ABTB3: variants seen among roughly 807,000 people sequenced by gnomAD.
ABTB3 encodes the protein ankyrin repeat- and BTB/POZ domain-containing protein 3.
chr12:107,400,433 T>C, the ABTB3 span, among the ~76,000 whole-genome samples: 1 of 152,074 alleles, frequency 6.6e-6, no homozygotes, highest in East Asian at 1.9e-4. Flanking sequence ...TATATACAGG[T>C]GGGTTTGAGA....
At chr12:107,373,089 T>G in the ABTB3 span, among the ~76,000 whole-genome samples, 1 of 152,096 alleles carries the variant, frequency 6.6e-6, no homozygotes, top group Non-Finnish European at 1.5e-5. Flanking sequence ...TTGCTAAATG[T>G]CCCCTGAGGG....
At chr12:107,377,772 C>G in the ABTB3 span, among the ~76,000 whole-genome samples, 1 of 152,190 alleles carries the variant, frequency 6.6e-6, no homozygotes, top group African/African-American at 2.4e-5. Context: ...ACAGCTCACA[C>G]AGCCAAGAGG....
the ABTB3 span, chr12:107,617,091 C>A: frequency 2.5e-6 from 4 of 1,614,008 alleles, no homozygotes; most frequent in Non-Finnish European, 3.4e-6. Flanking sequence ...CTCTGCAGCT[C>A]CTCCTGGATG....
the ABTB3 span, among the ~76,000 whole-genome samples, chr12:107,532,610 A>G: frequency 1.3e-5 from 2 of 152,392 alleles, no homozygotes; most frequent in East Asian, 3.9e-4. Flanking sequence ...TAATAAAATA[A>G]TAGCTGAAAA....
chr12:107,388,455 TCTC>T, the ABTB3 span, among the ~76,000 whole-genome samples: 2 of 151,650 alleles, frequency 1.3e-5, no homozygotes, highest in African/African-American at 2.4e-5. Context: ...TCTACCATTT[TCTC>T]CTCCTCTTCC....
chr12:107,368,425 TTGG>T, the ABTB3 span, among the ~76,000 whole-genome samples: 1 of 152,240 alleles, frequency 6.6e-6, no homozygotes, highest in African/African-American at 2.4e-5. Flanking sequence ...CTGGAAATAT[TTGG>T]TGAACTGTGT....
chr12:107,599,174 G>A, the ABTB3 span, among the ~76,000 whole-genome samples: 2 of 152,144 alleles, frequency 1.3e-5, no homozygotes, highest in East Asian at 1.9e-4. Flanking sequence ...CTAGGTCCAC[G>A]TCATCTAGAT....
At chr12:107,421,410 T>A in the ABTB3 span, among the ~76,000 whole-genome samples, 1 of 152,094 alleles carries the variant, frequency 6.6e-6, no homozygotes, top group Non-Finnish European at 1.5e-5. Flanking sequence ...GACCAGATAA[T>A]ATATTGGTGC....
At chr12:107,519,508 GT>G in the ABTB3 span, among the ~76,000 whole-genome samples, 1 of 151,920 alleles carries the variant, frequency 6.6e-6, no homozygotes, top group Non-Finnish European at 1.5e-5. Flanking sequence ...AGTAGAGACG[GT>G]GTTTCGCCAT....
At chr12:107,466,315 G>GCC in the ABTB3 span, among the ~76,000 whole-genome samples, 1 of 152,058 alleles carries the variant, frequency 6.6e-6, no homozygotes, top group African/African-American at 2.4e-5. Flanking sequence ...GTGAGGGGAA[G>GCC]AGCAAGGGCC....
chr12:107,369,392 G>GTTTTTTTTTTTT, the ABTB3 span, among the ~76,000 whole-genome samples: 4 of 134,904 alleles, frequency 3.0e-5, 1 homozygote, highest in Non-Finnish European at 4.7e-5. Context: ...TCAAACAAGG[G>GTTTTTTTTTTTT]TTTTTTTTTT....
At chr12:107,564,821 A>G in the ABTB3 span, among the ~76,000 whole-genome samples, 4 of 152,226 alleles carry the variant, frequency 2.6e-5, no homozygotes, top group Admixed American at 6.5e-5. Flanking sequence ...CTTTGCTTGC[A>G]GTCTGGGCTA....
At chr12:107,319,231 C>T in the ABTB3 span, 3 of 1,571,634 alleles carry the variant, frequency 1.9e-6, no homozygotes, top group African/African-American at 1.3e-5. Context: ...TAGACGAGGT[C>T]CCCTGGACTC....
the ABTB3 span, among the ~76,000 whole-genome samples, chr12:107,572,987 C>A: frequency 6.6e-6 from 1 of 152,192 alleles, no homozygotes; most frequent in Non-Finnish European, 1.5e-5. Flanking sequence ...GTAGAAATCA[C>A]CTCCTCACCT....
chr12:107,629,921 C>G, the ABTB3 span, among the ~76,000 whole-genome samples: 1 of 152,064 alleles, frequency 6.6e-6, no homozygotes. Context: ...GGATCTCACC[C>G]CCTGACAGCA....
the ABTB3 span, among the ~76,000 whole-genome samples, chr12:107,330,555 C>T: frequency 1.5e-4 from 23 of 152,322 alleles, no homozygotes; most frequent in East Asian, 5.8e-4. Context: ...TCTGGTTTAA[C>T]GCTCACATTT....
chr12:107,524,508 T>C, the ABTB3 span, among the ~76,000 whole-genome samples: 3 of 152,100 alleles, frequency 2.0e-5, no homozygotes, highest in Non-Finnish European at 4.4e-5. Flanking sequence ...GGGTCAAGAG[T>C]GGAGCCCTAT....
the ABTB3 span, among the ~76,000 whole-genome samples, chr12:107,586,596 A>G: frequency 6.6e-6 from 1 of 152,152 alleles, no homozygotes; most frequent in Non-Finnish European, 1.5e-5. Context: ...AACTGATGTC[A>G]ATGCATTAGC....
the ABTB3 span, among the ~76,000 whole-genome samples, chr12:107,618,736 G>T: frequency 6.6e-6 from 1 of 152,232 alleles, no homozygotes; most frequent in African/African-American, 2.4e-5. Flanking sequence ...CTGCTGTCGA[G>T]GGTCTGGATG....
Sources: gnomAD v4.1 joint callset for allele counts (sites outside exome capture counted in the v4.1 genomes callset) on GRCh38, gnomAD v4.1.1 for gene constraint, MANE v1.5 for transcripts, NCBI Gene and HGNC (gene_info 2026-07-23, HGNC 2026-07-21) for gene names.